ZNF609: variants seen among roughly 807,000 people sequenced by gnomAD.
ZNF609 encodes the protein zinc finger protein 609.
ZNF609 carries 11 observed loss-of-function variants against 109.5 expected under a neutral mutation model. That is an observed-to-expected ratio of 0.10 (90% confidence interval 0.06 to 0.17). ZNF609 has a LOEUF of 0.17. Among genes scored for constraint, ZNF609 ranks in the 10% least tolerant of loss-of-function variants. ZNF609 has a pLI of 1.00. For synonymous variants in ZNF609, 646 were observed against 662.0 expected (o/e 0.98, Z 0.37); for missense variants, 1,559 against 1,772.4 (o/e 0.88, Z 2.16).
intron 2 of ZNF609, among the ~76,000 whole-genome samples, chr15:64,546,789 C>CTTTTTTTT (rs1206513622): frequency 8.2e-6 from 1 of 122,548 alleles, no homozygotes. Context: ...TTTCATGTTT[C>CTTTTTTTT]TTTTTTTTTT....
chr15:64,461,261 CGGAAGCA>C (rs1204884499), intron 1 of ZNF609, among the ~76,000 whole-genome samples: 1 of 150,834 alleles, frequency 6.6e-6, no homozygotes, highest in Admixed American at 6.6e-5. Context: ...AGCATAGGGT[CGGAAGCA>C]GGACGTGTGC....
chr15:64,489,313 G>A (rs1231485412), intron 1 of ZNF609, among the ~76,000 whole-genome samples: 3 of 151,696 alleles, frequency 2.0e-5, no homozygotes, highest in Non-Finnish European at 4.4e-5. Context: ...AGCCTCCTGA[G>A]TAGCTGGGAT....
rs568715292 is a variant in ZNF609 at position 64,635,104 on chromosome 15, G to C, written c.973+12052G>C. On this transcript the variant is annotated intron_variant, in intron 3 of 9. Coordinates refer to ENST00000326648, the MANE Select transcript of ZNF609 (RefSeq NM_015042.2). ...TAGACTAATCTCCAGGGGAGAAAGA[G>C]AGTCTCCCTTTGTGCATGCTCACAC... Among the ~76,000 whole-genome samples the C allele has an allele frequency of 2.6e-5, 4 of 152,254 alleles. No homozygotes were observed. The South Asian group carries it at 8.3e-4, about 32-fold the overall frequency.
At chr15:64,563,464 T>A (rs886834771) in intron 2 of ZNF609, among the ~76,000 whole-genome samples, 63 of 149,366 alleles carry the variant, frequency 4.2e-4, no homozygotes, top group Middle Eastern at 3.2e-3. Flanking sequence ...AAAAAAAAAA[T>A]AATTGAAAAT....
intron 2 of ZNF609, among the ~76,000 whole-genome samples, chr15:64,555,691 G>C (rs942361254): frequency 5.9e-5 from 9 of 151,842 alleles, no homozygotes; most frequent in Non-Finnish European, 8.8e-5. Flanking sequence ...AGACCAGCCT[G>C]GCCAACATGG....
chr15:64,641,505 C>G (rs1156598555), intron 3 of ZNF609, among the ~76,000 whole-genome samples: 1 of 151,880 alleles, frequency 6.6e-6, no homozygotes. Context: ...TGAGCCACCG[C>G]GCCTGGCCTA....
intron 2 of ZNF609, among the ~76,000 whole-genome samples, chr15:64,570,819 A>C (rs908261548): frequency 9.2e-5 from 14 of 152,126 alleles, no homozygotes; most frequent in Admixed American, 3.3e-4. Context: ...TGAGGTCAGG[A>C]GTTCGAGACG....
At chr15:64,638,329 A>G (rs762115455) in intron 3 of ZNF609, among the ~76,000 whole-genome samples, 5 of 151,662 alleles carry the variant, frequency 3.3e-5, no homozygotes, top group African/African-American at 7.3e-5. Flanking sequence ...GTTATCTAGT[A>G]GTATAAGTCT....
chr15:64,604,824 T>G (rs1895568344), intron 2 of ZNF609, among the ~76,000 whole-genome samples: 1 of 151,852 alleles, frequency 6.6e-6, no homozygotes, highest in African/African-American at 2.4e-5. Context: ...TAGTTATTTA[T>G]TCATTTATTT....
chr15:64,527,573 A>G (rs1312292431), intron 2 of ZNF609, among the ~76,000 whole-genome samples: 1 of 152,176 alleles, frequency 6.6e-6, no homozygotes. Context: ...CCAGTTGCCT[A>G]ACAGATTTCC....
chr15:64,557,691 T>C (rs1413077524), intron 2 of ZNF609, among the ~76,000 whole-genome samples: 5 of 152,146 alleles, frequency 3.3e-5, no homozygotes, highest in African/African-American at 9.7e-5. Flanking sequence ...TAGTGGTATA[T>C]AGAAAGATTT....
chr15:64,462,556 C>A (rs946209465), intron 1 of ZNF609, among the ~76,000 whole-genome samples: 1 of 152,086 alleles, frequency 6.6e-6, no homozygotes. Context: ...ATGGCTGGAG[C>A]CCAGGAGTTT....
At chr15:64,611,433 T>C (rs748749400) in intron 2 of ZNF609, among the ~76,000 whole-genome samples, 4 of 152,224 alleles carry the variant, frequency 2.6e-5, no homozygotes, top group Non-Finnish European at 4.4e-5. Context: ...TGATTTGTGT[T>C]GCACACTGAT....
intron 3 of ZNF609, among the ~76,000 whole-genome samples, chr15:64,652,650 A>G (rs1896436091): frequency 6.6e-6 from 1 of 152,114 alleles, no homozygotes; most frequent in African/African-American, 2.4e-5. Flanking sequence ...GGCCTCTCAA[A>G]GTGCTGGGAC....
At chr15:64,680,598 C>A in intron 7 of ZNF609, 48 bp from the exon 8 acceptor site, 11 of 1,372,708 alleles carry the variant, frequency 8.0e-6, no homozygotes, top group African/African-American at 1.4e-5. Flanking sequence ...TGGTTGTATG[C>A]ATATGTGTCT....
rs1326689600 is a variant in ZNF609 at position 64,622,953 on chromosome 15, T to C, written c.874T>C (p.Cys292Arg). The change falls in exon 3 of 10, where the codon TGT (cysteine) becomes CGT (arginine). Residue 292 changes from cysteine (C) to arginine (R), a missense_variant. Transcript: ENST00000326648. ...TACCCGATCAGTTGGGGTCAACACATGTGATGTGGCTCTGGCCACAGAGCC... is the reference window on the plus strand; with the variant it reads ...TACCCGATCAGTTGGGGTCAACACACGTGATGTGGCTCTGGCCACAGAGCC... ...VRTRSVGVNT[C>R]DVALATEPEC... is the part of the protein sequence containing the mutation. The C allele has an allele frequency of 1.2e-6, 2 of 1,614,230 alleles. No individual in the cohort carries two copies. The highest frequency in any genetic ancestry group is 2.2e-5 in the East Asian group (1 of 44,882).
intron 2 of ZNF609, among the ~76,000 whole-genome samples, chr15:64,522,440 T>C (rs1483274739): frequency 6.6e-6 from 1 of 152,198 alleles, no homozygotes; most frequent in African/African-American, 2.4e-5. Context: ...CCATTAGAGA[T>C]CTGAACTGGT....
chr15:64,650,347 G>A (rs941297687), intron 3 of ZNF609, among the ~76,000 whole-genome samples: 11 of 151,136 alleles, frequency 7.3e-5, no homozygotes, highest in Admixed American at 2.0e-4. Flanking sequence ...AACCCAGGAG[G>A]TGGAGGTTGC....
At chr15:64,595,542 G>A (rs906787914) in intron 2 of ZNF609, among the ~76,000 whole-genome samples, 5 of 151,972 alleles carry the variant, frequency 3.3e-5, no homozygotes, top group African/African-American at 1.2e-4. Context: ...TCAGTTACAC[G>A]AGAGCCACTA....
Sources: gnomAD v4.1 joint callset for allele counts (sites outside exome capture counted in the v4.1 genomes callset) on GRCh38, gnomAD v4.1.1 for gene constraint, MANE v1.5 for transcripts, NCBI Gene and HGNC (gene_info 2026-07-23, HGNC 2026-07-21) for gene names.